Variants in CATSPERB observed in about 807,000 individuals in gnomAD.
CATSPERB encodes the protein catsper channel auxiliary subunit beta.
CATSPERB carries 93 observed loss-of-function variants against 128.3 expected under a neutral mutation model. The observed-to-expected ratio is 0.72, with a 90% confidence interval of 0.61 to 0.86. The LOEUF (loss-of-function observed/expected upper bound fraction) is 0.86, where lower values mean the gene tolerates loss of function less well. Ranked by LOEUF, CATSPERB falls within the 40% of genes least tolerant of loss-of-function variation. The pLI, the probability that CATSPERB is intolerant of heterozygous loss-of-function variation, is 0.00. For synonymous variants in CATSPERB, 381 were observed against 448.8 expected (o/e 0.85, Z 1.91); for missense variants, 1,153 against 1,329.5 (o/e 0.87, Z 2.06).
intron 10 of CATSPERB, among the ~76,000 whole-genome samples, chr14:91,686,029 C>T (rs1402419007): frequency 1.3e-5 from 2 of 152,144 alleles, no homozygotes; most frequent in African/African-American, 2.4e-5. Flanking sequence ...TTCCTATTAC[C>T]TTTGACTGGA....
rs753004981 is a variant in CATSPERB, at chr14:91,587,247, G to A, written c.3087C>T (p.Thr1029=). Residue 1029 remains threonine (T), a synonymous_variant, in exon 26 of 27, where the codon ACC becomes ACT. Transcript: ENST00000256343. ...KGSELFHFRV[T]VISGVTFCNL... is the part of the protein sequence containing the mutation. ...TACAAAAAGTTACTCCTGAAATGAC[G>A]GTCACTCTAAAGTGGAAAAGTTCAG... The A allele has an allele frequency of 8.1e-6, 13 of 1,605,472 alleles. No homozygotes were observed. The highest frequency in any genetic ancestry group is 1.7e-4 in the Middle Eastern group (1 of 6,060).
At chr14:91,622,714 C>T (rs1894073924) in intron 18 of CATSPERB, among the ~76,000 whole-genome samples, 1 of 152,084 alleles carries the variant, frequency 6.6e-6, no homozygotes, top group African/African-American at 2.4e-5. Context: ...AACGAAAATC[C>T]TTTCCAATAT....
intron 15 of CATSPERB, among the ~76,000 whole-genome samples, chr14:91,643,675 A>T (rs1205065540): frequency 1.8e-5 from 1 of 56,084 alleles, no homozygotes; most frequent in Non-Finnish European, 3.7e-5. Context: ...GCTGAAAAAA[A>T]TGTATATTCT....
chr14:91,682,289 C>G (rs1363341684), intron 11 of CATSPERB, among the ~76,000 whole-genome samples: 3 of 152,112 alleles, frequency 2.0e-5, no homozygotes, highest in Admixed American at 6.5e-5. Context: ...TAAGTTGCAA[C>G]CAGGTCAATG....
At chr14:91,639,576 G>A (rs1378064817) in intron 15 of CATSPERB, among the ~76,000 whole-genome samples, 2 of 152,148 alleles carry the variant, frequency 1.3e-5, no homozygotes, top group Non-Finnish European at 2.9e-5. Flanking sequence ...TTCCTGAAGA[G>A]GTAAAAGTCA....
chr14:91,724,591 A>C (rs1039900512), intron 3 of CATSPERB, among the ~76,000 whole-genome samples: 2 of 152,132 alleles, frequency 1.3e-5, no homozygotes, highest in African/African-American at 4.8e-5. Flanking sequence ...TATTTGCTGC[A>C]TGATCTTGAT....
chr14:91,680,449 G>A (rs1055737398), intron 11 of CATSPERB, among the ~76,000 whole-genome samples: 3 of 152,182 alleles, frequency 2.0e-5, no homozygotes, highest in Non-Finnish European at 2.9e-5. Flanking sequence ...TACAAGCTAA[G>A]ACTATAGCAG....
chr14:91,670,907 G>A (rs1366994153), intron 13 of CATSPERB, among the ~76,000 whole-genome samples: 1 of 152,048 alleles, frequency 6.6e-6, no homozygotes, highest in African/African-American at 2.4e-5. Context: ...GGAGGCTGAG[G>A]TGGGAGAATC....
At chr14:91,652,108 A>T (rs1253050974) in intron 15 of CATSPERB, among the ~76,000 whole-genome samples, 1 of 152,204 alleles carries the variant, frequency 6.6e-6, no homozygotes, top group Non-Finnish European at 1.5e-5. Context: ...TCAAAAATTA[A>T]TAATTTTTGT....
At chr14:91,664,156 G>A (rs1486352413) in intron 14 of CATSPERB, among the ~76,000 whole-genome samples, 3 of 150,836 alleles carry the variant, frequency 2.0e-5, no homozygotes, top group Admixed American at 2.0e-4. Context: ...TGTCTCCATA[G>A]TTTTGCCTTT....
At chr14:91,656,285 A>G (rs1230002149) in intron 15 of CATSPERB, among the ~76,000 whole-genome samples, 3 of 152,164 alleles carry the variant, frequency 2.0e-5, no homozygotes, top group Non-Finnish European at 2.9e-5. Context: ...AAACACACAG[A>G]ATATTATAAC....
chr14:91,611,264 T>C (rs1893820333), intron 20 of CATSPERB, among the ~76,000 whole-genome samples: 1 of 152,194 alleles, frequency 6.6e-6, no homozygotes, highest in African/African-American at 2.4e-5. Context: ...GGAAGAAATA[T>C]ATTCCAATCT....
chr14:91,663,934 T>TG (rs1347249598), intron 14 of CATSPERB, among the ~76,000 whole-genome samples: 1 of 152,152 alleles, frequency 6.6e-6, no homozygotes, highest in Non-Finnish European at 1.5e-5. Context: ...CTGATGAACC[T>TG]ACACTGATAC....
At chr14:91,626,472 G>A (rs1208957538) in intron 17 of CATSPERB, among the ~76,000 whole-genome samples, 1 of 150,432 alleles carries the variant, frequency 6.6e-6, no homozygotes, top group Admixed American at 6.7e-5. Flanking sequence ...TTTAAGGGGT[G>A]ATTAGATCAT....
chr14:91,653,565 G>A lies in CATSPERB; in HGVS notation c.1432+6272C>T, dbSNP rs139279106. 9.0e-3 allele frequency among the ~76,000 whole-genome samples: 1,365 copies of A among 152,278 alleles called. 16 individuals carry two copies. Among genetic ancestry groups the A allele is most frequent in the Middle Eastern group, 0.044 (13 of 294 alleles). On this transcript the variant is annotated intron_variant, in intron 15 of 26. Coordinates refer to ENST00000256343, the MANE Select transcript of CATSPERB (RefSeq NM_024764.4). ...GATCTCACAATCATGGCAGAGGGTGGAAGGCACTTCTTACATGGTTGCAGC... is the reference window on the plus strand; with the variant it reads ...GATCTCACAATCATGGCAGAGGGTGAAAGGCACTTCTTACATGGTTGCAGC...
intron 25 of CATSPERB, 21 bp from the exon 26 acceptor site, chr14:91,587,297 A>T (rs754580130): frequency 5.7e-6 from 9 of 1,578,464 alleles, no homozygotes; most frequent in Non-Finnish European, 7.8e-6. Context: ...AAGCACACCC[A>T]GTTGTTAGCA....
At chr14:91,687,406 A>G (rs1721859176) in intron 10 of CATSPERB, among the ~76,000 whole-genome samples, 1 of 152,028 alleles carries the variant, frequency 6.6e-6, no homozygotes, top group South Asian at 2.1e-4. Context: ...TGATTCAGTG[A>G]ATCGAATTAG....
At position 91,580,924 on chromosome 14, in the gene CATSPERB, TGA is replaced by T. The variant is rs775479813; in HGVS notation, c.3314_3315del (p.Leu1105GlnfsTer2). 7.1e-5 allele frequency: 115 copies of T among 1,614,090 alleles called. No homozygotes were observed. Among genetic ancestry groups the T allele is most frequent in the Non-Finnish European group, 7.5e-5 (89 of 1,180,022 alleles). ...GACTTTGATCTATGAATCAGCTCAC[TGA>T]GAGAGATACTTGAAAACTTCTCTTG... ...RNQEKFSSIS[L>X]SELIHRSKSE... On this transcript the variant is annotated frameshift_variant, in exon 27 of 27. Coordinates refer to ENST00000256343, the MANE Select transcript of CATSPERB (RefSeq NM_024764.4). LOFTEE classifies it low-confidence loss of function (END_TRUNC).
At chr14:91,727,033 T>C (rs1896129505) in intron 2 of CATSPERB, among the ~76,000 whole-genome samples, 1 of 152,186 alleles carries the variant, frequency 6.6e-6, no homozygotes, top group Non-Finnish European at 1.5e-5. Flanking sequence ...AAGCTTCAAT[T>C]ATAAAATAAG....
Sources: gnomAD v4.1 joint callset for allele counts (sites outside exome capture counted in the v4.1 genomes callset) on GRCh38, gnomAD v4.1.1 for gene constraint, MANE v1.5 for transcripts, NCBI Gene and HGNC (gene_info 2026-07-23, HGNC 2026-07-21) for gene names.